ITSN2: variants seen among roughly 807,000 people sequenced by gnomAD.
ITSN2 encodes intersectin-2.
In ITSN2, 156 loss-of-function variants were observed where a neutral mutation model predicts 243.7. The ratio of observed to expected loss-of-function variants is 0.64; its 90% CI spans 0.56 to 0.73. ITSN2 has a LOEUF of 0.73. Among genes scored for constraint, ITSN2 ranks in the 30% least tolerant of loss-of-function variants. ITSN2 has a pLI of 0.00. For missense variants in ITSN2, 1,801 were observed against 1,996.1 expected, an observed-to-expected ratio of 0.90 and a Z score of 1.86; for synonymous variants, 703 against 699.9, an observed-to-expected ratio of 1.00 and a Z score of -0.07.
chr2:24,206,897 G>C (rs187876965), intron 37 of ITSN2, among the ~76,000 whole-genome samples: 3 of 152,100 alleles, frequency 2.0e-5, no homozygotes, highest in African/African-American at 7.2e-5. Flanking sequence ...TGTGTTTGAC[G>C]TGGGCCTTGA....
chr2:24,245,195 G>C (rs1673190251), intron 29 of ITSN2, among the ~76,000 whole-genome samples: 1 of 152,074 alleles, frequency 6.6e-6, no homozygotes, highest in African/African-American at 2.4e-5. Context: ...TAAATACAGA[G>C]AGATAATTTT....
At chr2:24,294,518 T>C (rs1680691883) in intron 14 of ITSN2, among the ~76,000 whole-genome samples, 1 of 152,200 alleles carries the variant, frequency 6.6e-6, no homozygotes, top group African/African-American at 2.4e-5. Flanking sequence ...AAAAGACTGA[T>C]TAATTGCCAG....
At chr2:24,339,858 C>A (rs1378262725) in intron 1 of ITSN2, among the ~76,000 whole-genome samples, 1 of 151,978 alleles carries the variant, frequency 6.6e-6, no homozygotes, top group Non-Finnish European at 1.5e-5. Context: ...GAGACTCTTT[C>A]TCTACAAAAA....
chr2:24,207,969 G>A (rs1669078723), intron 37 of ITSN2, among the ~76,000 whole-genome samples: 1 of 152,056 alleles, frequency 6.6e-6, no homozygotes, highest in East Asian at 2.0e-4. Context: ...AGAGAAAGGA[G>A]TGGAGAAGGT....
At chr2:24,337,890 G>A (rs550688495) in intron 1 of ITSN2, among the ~76,000 whole-genome samples, 106 of 152,240 alleles carry the variant, frequency 7.0e-4, no homozygotes, top group African/African-American at 2.4e-3. Flanking sequence ...TTGCTGATCA[G>A]TTGAGAAAAG....
chr2:24,280,285 G>C (rs1290948604), intron 17 of ITSN2, among the ~76,000 whole-genome samples: 2 of 152,190 alleles, frequency 1.3e-5, no homozygotes, highest in Non-Finnish European at 2.9e-5. Flanking sequence ...CACAGCATCA[G>C]AACTAAGTGC....
chr2:24,228,487 TA>T (rs1671264402), intron 29 of ITSN2, among the ~76,000 whole-genome samples: 7 of 152,174 alleles, frequency 4.6e-5, no homozygotes, highest in African/African-American at 1.4e-4. Flanking sequence ...AGTTGGCAGG[TA>T]TAAATACAAG....
At position 24,300,097 on chromosome 2, in the gene ITSN2, T is replaced by A. The variant is rs770278075; in HGVS notation, c.1156A>T (p.Met386Leu). 1.2e-6 allele frequency: 2 copies of A among 1,614,180 alleles called. No individual in the cohort carries two copies. Among genetic ancestry groups the A allele is most frequent in the South Asian group, 2.2e-5 (2 of 91,070 alleles). Residue 386 changes from methionine to leucine, a missense_variant, in exon 12 of 40, where the codon ATG becomes TTG. Around this residue, in one of 5 missense-constraint regions of ITSN2, gnomAD observed 787 missense variants for 803.9 expected, o/e 0.98. Transcript: ENST00000355123. The part of the protein sequence containing the change: ...MELEKRRQAL[M>L]EQQQREAERK... ...TCTGCCTCCCTTTGTTGCTGCTCCA[T>A]CAAGGCTTGGCGTCGCTTTTCCAGC...
chr2:24,270,679 T>C lies in ITSN2; in HGVS notation c.2347A>G (p.Ile783Val). ...AAAAATTCATTTCCTACCTGAATTA[T>C]ATCTCCAGAATTAAAACTCATCTCA... ...HDEMSFNSGD[I>V]IQVDEKTVGE... is the part of the protein sequence containing the mutation. Residue 783 changes from isoleucine to valine, a missense_variant, in exon 20 of 40, where the codon ATA becomes GTA. Coordinates refer to ENST00000355123, the MANE Select transcript of ITSN2 (RefSeq NM_006277.3). The C allele has an allele frequency of 1.3e-6, 2 of 1,549,924 alleles. No individual in the cohort carries two copies. Among genetic ancestry groups the C allele is most frequent in the East Asian group, 2.2e-5 (1 of 44,476 alleles).
chr2:24,335,415 C>T (rs1686254169), intron 1 of ITSN2, among the ~76,000 whole-genome samples: 1 of 152,176 alleles, frequency 6.6e-6, no homozygotes, highest in Non-Finnish European at 1.5e-5. Context: ...TCACTGCAAC[C>T]TCTGCCACCT....
At chr2:24,231,531 T>G (rs1283493349) in intron 29 of ITSN2, among the ~76,000 whole-genome samples, 1 of 152,192 alleles carries the variant, frequency 6.6e-6, no homozygotes, top group African/African-American at 2.4e-5. Flanking sequence ...TAATTAGTAG[T>G]GGGCTGGGCC....
intron 1 of ITSN2, among the ~76,000 whole-genome samples, chr2:24,335,672 C>T (rs547160804): frequency 5.3e-5 from 5 of 93,688 alleles, no homozygotes; most frequent in Non-Finnish European, 1.2e-4. Flanking sequence ...CAGAGTCTCA[C>T]TCTATCCCCC....
intron 32 of ITSN2, among the ~76,000 whole-genome samples, chr2:24,214,913 C>T (rs984242561): frequency 2.6e-5 from 4 of 151,856 alleles, no homozygotes; most frequent in Non-Finnish European, 5.9e-5. Context: ...ACAAAAAAAC[C>T]CAACAGGAAA....
At chr2:24,258,669 CT>C (rs1675383103) in intron 22 of ITSN2, among the ~76,000 whole-genome samples, 1 of 152,018 alleles carries the variant, frequency 6.6e-6, no homozygotes, top group African/African-American at 2.4e-5. Flanking sequence ...TATTTAAGTC[CT>C]TCTCTTCAAT....
At chr2:24,290,085 G>A (rs943995582) in intron 15 of ITSN2, among the ~76,000 whole-genome samples, 4 of 152,100 alleles carry the variant, frequency 2.6e-5, no homozygotes, top group East Asian at 1.9e-4. Context: ...CACGTGGCTC[G>A]TAGATTTTTG....
intron 1 of ITSN2, 97 bp from the exon 2 acceptor site, chr2:24,328,212 T>C (rs1267836318): frequency 5.1e-6 from 4 of 789,364 alleles, no homozygotes; most frequent in Non-Finnish European, 8.5e-6. Context: ...CCCCTTCAGC[T>C]CACACTTCCA....
rs553033900 is a variant in ITSN2 at position 24,298,792 on chromosome 2, C to T, written c.1367G>A (p.Arg456Gln). ...RREAAKQELE[R>Q]QRRLEWERIR... ...TCTCTCCCATTCTAAGCGACGTTGT[C>T]GTTCAAGTTCCTGTTTTGCTGCCTG... The change falls in exon 13 of 40, where the codon CGA becomes CAA. Residue 456 changes from arginine to glutamine, a missense_variant. Around this residue, in one of 5 missense-constraint regions of ITSN2, gnomAD observed 787 missense variants for 803.9 expected, o/e 0.98. Transcript: ENST00000355123. 34 of 1,597,134 alleles carry T rather than the reference C, an allele frequency of 2.1e-5. No individual in the cohort carries two copies. The highest frequency in any genetic ancestry group is 6.7e-5 in the East Asian group (3 of 44,574).
chr2:24,236,614 T>A (rs557770730), intron 29 of ITSN2, among the ~76,000 whole-genome samples: 1 of 152,248 alleles, frequency 6.6e-6, no homozygotes, highest in South Asian at 2.1e-4. Context: ...CTTCTCTGTG[T>A]GTCCTTTTTA....
chr2:24,268,626 T>A (rs1223079318), intron 20 of ITSN2, among the ~76,000 whole-genome samples: 1 of 152,186 alleles, frequency 6.6e-6, no homozygotes, highest in Non-Finnish European at 1.5e-5. Flanking sequence ...CTTTGCTATA[T>A]ATAAATTATA....
Sources: gnomAD v4.1 joint callset for allele counts (sites outside exome capture counted in the v4.1 genomes callset) on GRCh38, gnomAD v4.1.1 for gene constraint, gnomAD v4.1.1 regional missense constraint, MANE v1.5 for transcripts, NCBI Gene and HGNC (gene_info 2026-07-23, HGNC 2026-07-21) for gene names.